USP34: variants seen among roughly 807,000 people sequenced by gnomAD.
USP34 encodes ubiquitin carboxyl-terminal hydrolase 34.
USP34 carries 70 observed loss-of-function variants against 460.3 expected under a neutral mutation model. The ratio of observed to expected loss-of-function variants is 0.15; its 90% confidence interval spans 0.13 to 0.19. USP34 has a LOEUF of 0.19. Ranked by LOEUF, USP34 falls within the 10% of genes least tolerant of loss-of-function variation. USP34 has a pLI of 1.00. For synonymous variants in USP34, 1,647 were observed against 1,405.3 expected, an observed-to-expected ratio of 1.17 and a Z score of -3.85; for missense variants, 3,985 against 4,236.2, an observed-to-expected ratio of 0.94 and a Z score of 1.65.
At chr2:61,212,073 G>A (rs935713920) in intron 68 of USP34, 144 bp from the exon 69 acceptor site, 2 of 1,148,856 alleles carry the variant, frequency 1.7e-6, no homozygotes, top group Admixed American at 3.8e-5. Flanking sequence ...TATAAAATCA[G>A]TAACAAATTC....
chr2:61,428,242 C>CAA (rs370891797), intron 1 of USP34, among the ~76,000 whole-genome samples: 10 of 95,272 alleles, frequency 1.0e-4, no homozygotes, highest in African/African-American at 1.5e-4. Flanking sequence ...TAATGATTCT[C>CAA]AAAAAAAAAA....
chr2:61,216,466 G>T (rs1196815197), intron 67 of USP34, among the ~76,000 whole-genome samples: 1 of 151,998 alleles, frequency 6.6e-6, no homozygotes. Context: ...CAGGCGTGGT[G>T]GTGAGCGCCT....
At position 61,350,240 on chromosome 2, in the gene USP34, A is replaced by G; in HGVS notation, c.1507+20T>C. ...GAGAAGCTCTCAACAATTTACTTCA[A>G]AATACATGACATTACTAACCTTTCT... On this transcript the variant is annotated intron_variant, in intron 12 of 79. Transcript: ENST00000398571. 1 of 1,578,436 alleles carries G rather than the reference A, an allele frequency of 6.3e-7. No individual in the cohort carries two copies. Among genetic ancestry groups the G allele is most frequent in the African/African-American group, 1.4e-5 (1 of 73,564 alleles).
At chr2:61,452,442 A>C (rs1028411546) in intron 1 of USP34, among the ~76,000 whole-genome samples, 1 of 147,492 alleles carries the variant, frequency 6.8e-6, no homozygotes, top group Non-Finnish European at 1.5e-5. Context: ...CTCGTGCCTC[A>C]GCCTCCCAAG....
chr2:61,386,705 G>A (rs1328182101), intron 5 of USP34, among the ~76,000 whole-genome samples: 4 of 152,008 alleles, frequency 2.6e-5, no homozygotes, highest in Non-Finnish European at 5.9e-5. Flanking sequence ...CAGGAGAATC[G>A]CTTGAACCCA....
At chr2:61,372,153 ATTTAC>A (rs1472182271) in intron 8 of USP34, among the ~76,000 whole-genome samples, 3 of 152,100 alleles carry the variant, frequency 2.0e-5, no homozygotes, top group Non-Finnish European at 4.4e-5. Context: ...AGATTAAGTA[ATTTAC>A]TTTCTTATTG....
intron 62 of USP34, among the ~76,000 whole-genome samples, chr2:61,224,960 C>T (rs1467358449): frequency 6.6e-6 from 1 of 152,156 alleles, no homozygotes; most frequent in African/African-American, 2.4e-5. Flanking sequence ...AGAACTGTAA[C>T]TAGTCGTTTT....
intron 8 of USP34, among the ~76,000 whole-genome samples, chr2:61,377,819 T>G (rs573074271): frequency 4.6e-5 from 7 of 152,302 alleles, no homozygotes; most frequent in African/African-American, 1.7e-4. Flanking sequence ...GACTAAATTC[T>G]CCAGTATAAA....
chr2:61,412,521 A>G (rs1038327196), intron 2 of USP34, among the ~76,000 whole-genome samples: 4 of 152,100 alleles, frequency 2.6e-5, no homozygotes, highest in Non-Finnish European at 5.9e-5. Flanking sequence ...AATTATAGCA[A>G]TTTGTAAAAT....
intron 27 of USP34, among the ~76,000 whole-genome samples, chr2:61,309,132 T>C (rs1690507964): frequency 6.6e-6 from 1 of 152,168 alleles, no homozygotes; most frequent in African/African-American, 2.4e-5. Flanking sequence ...CAAGAAACAA[T>C]GGAGAAGTAC....
intron 43 of USP34, among the ~76,000 whole-genome samples, chr2:61,262,116 A>ATAT (rs1204752931): frequency 1.5e-4 from 7 of 47,396 alleles, no homozygotes; most frequent in Non-Finnish European, 2.8e-4. Context: ...AAAAAAAAAA[A>ATAT]ATATATATAT....
At chr2:61,343,065 AGT>A (rs1335147987) in intron 16 of USP34, among the ~76,000 whole-genome samples, 1 of 152,210 alleles carries the variant, frequency 6.6e-6, no homozygotes, top group Non-Finnish European at 1.5e-5. Flanking sequence ...TGTGTTTCTA[AGT>A]GTGTTTATGG....
At chr2:61,235,772 G>T in intron 57 of USP34, 73 bp downstream of exon 57, 2 of 1,452,184 alleles carry the variant, frequency 1.4e-6, no homozygotes, top group South Asian at 1.3e-5. Flanking sequence ...CTCTGCTGTA[G>T]CATCTTAGAT....
intron 43 of USP34, 113 bp downstream of exon 43, chr2:61,265,284 C>G (rs1367987381): frequency 4.1e-6 from 5 of 1,234,088 alleles, no homozygotes; most frequent in Non-Finnish European, 1.1e-6. Context: ...ATCAAATTTA[C>G]TTTTATTCAC....
chr2:61,214,593 T>C lies in USP34; in HGVS notation c.8149A>G (p.Ser2717Gly). The part of the protein sequence containing the change: ...LHIPTRDLPL[S>G]PDTTVVLHQV... Reference sequence around the variant, plus strand: ...TGTAGGACTACTGTTGTGTCTGGACTGAGTGGAAGGTCACGGGTTGGGATG... The same window carrying C: ...TGTAGGACTACTGTTGTGTCTGGACCGAGTGGAAGGTCACGGGTTGGGATG... Residue 2717 changes from serine to glycine, a missense_variant, in exon 68 of 80, where the codon AGT becomes GGT. By Grantham distance (56) the Ser-to-Gly change is moderately conservative. Around this residue, in one of 14 missense-constraint regions of USP34, gnomAD observed 604 missense variants for 684.8 expected, o/e 0.88. Coordinates refer to ENST00000398571, the MANE Select transcript of USP34 (RefSeq NM_014709.4). The C allele has an allele frequency of 6.2e-7, 1 of 1,614,086 alleles. No individual in the cohort carries two copies. Among genetic ancestry groups the C allele is most frequent in the Non-Finnish European group, 8.5e-7 (1 of 1,179,970 alleles).
rs1423895955 is a variant in USP34 at position 61,370,336 on chromosome 2, A to G, written c.1236T>C (p.Ile412=). The change falls in exon 10 of 80, where the codon ATT becomes ATC. Residue 412 remains isoleucine, a synonymous_variant. Coordinates refer to ENST00000398571, the MANE Select transcript of USP34 (RefSeq NM_014709.4). ...GRLSTQHIDC[I]WAAAQLKHCS... ...TTAATATTACCTGTGCTGCAGCCCA[A>G]ATACAGTCAATATGTTGAGTACTCA... 6.2e-6 allele frequency: 10 copies of G among 1,614,088 alleles called. No homozygotes were observed. Among genetic ancestry groups the G allele is most frequent in the Non-Finnish European group, 8.5e-6 (10 of 1,179,952 alleles).
At chr2:61,281,505 T>G (rs1433518414) in intron 37 of USP34, among the ~76,000 whole-genome samples, 1 of 152,126 alleles carries the variant, frequency 6.6e-6, no homozygotes, top group Non-Finnish European at 1.5e-5. Context: ...CCAGCTACTC[T>G]GGAGACAGGC....
intron 37 of USP34, 59 bp downstream of exon 37, chr2:61,283,086 T>C (rs1689583006): frequency 1.9e-6 from 3 of 1,558,456 alleles, no homozygotes; most frequent in Admixed American, 1.8e-5. Context: ...TTATTATCAA[T>C]GCTAATAACA....
intron 1 of USP34, among the ~76,000 whole-genome samples, chr2:61,437,317 TAAAAG>T (rs775892986): frequency 1.1e-3 from 171 of 151,226 alleles, no homozygotes; most frequent in Non-Finnish European, 2.3e-3. Context: ...AAGACCCAAA[TAAAAG>T]AAATCAGAAA....
Sources: allele counts gnomAD v4.1 joint callset (sites outside exome capture counted in the v4.1 genomes callset), GRCh38; gene constraint gnomAD v4.1.1; regional missense constraint gnomAD v4.1.1; transcripts MANE v1.5; gene names NCBI Gene and HGNC (gene_info 2026-07-23, HGNC 2026-07-21).